The following SHROOM4 variants were observed in gnomAD, a reference collection of about 807,000 sequenced individuals.
SHROOM4 encodes protein Shroom4.
In SHROOM4, 17 loss-of-function variants were observed where a neutral mutation model predicts 80.3. The ratio of observed to expected loss-of-function variants is 0.21; its 90% CI spans 0.14 to 0.32. The LOEUF is 0.32. Among genes scored for constraint, SHROOM4 ranks in the 10% least tolerant of loss-of-function variants. SHROOM4 has a pLI of 1.00. For synonymous variants in SHROOM4, 400 were observed against 437.5 expected (o/e 0.91, Z 1.07); for missense variants, 993 against 1,140.3 (o/e 0.87, Z 1.86).
At position 50,609,662 on chromosome X, in the gene SHROOM4, GAT is replaced by G. The variant is rs782657901; in HGVS notation, c.2958-1480_2958-1479del. Among the ~76,000 whole-genome samples, 15 of 36,784 alleles carry G rather than the reference GAT, an allele frequency of 4.1e-4. No individual in the cohort carries two copies. The East Asian group carries it at 0.018, about 43-fold the overall frequency. The allele number at this position is 36,784 out of a possible 115,157, so 31.9% of individuals were successfully genotyped here. A position where few individuals can be genotyped will look rare whatever the true frequency, so the allele number is the denominator to read the frequency against. On this transcript the variant is annotated intron_variant, in intron 5 of 8. Coordinates refer to ENST00000376020, the MANE Select transcript of SHROOM4 (RefSeq NM_020717.5). ...AATAAATTCCAGATCAAGAGTCATG[GAT>G]ATGTGTGTGTGTGTGTGTGTGTGTG... is the stretch of plus-strand genomic sequence containing the variant.
chrX:50,669,472 T>A (rs898037247), intron 2 of SHROOM4, among the ~76,000 whole-genome samples: 6 of 106,738 alleles, frequency 5.6e-5, no homozygotes, highest in Non-Finnish European at 1.2e-4. Flanking sequence ...CCCAACTAAA[T>A]TTTTTTTTTG....
chrX:50,791,368 T>C (rs782020393), intron 1 of SHROOM4, among the ~76,000 whole-genome samples: 3 of 110,387 alleles, frequency 2.7e-5, no homozygotes, highest in African/African-American at 9.9e-5. Flanking sequence ...AAAATGTCCA[T>C]ACTACCCAAA....
rs782055933 is a variant in SHROOM4 at position 50,633,558 on chromosome X, CATG to C, written c.2512_2514del (p.His838del). 2.1e-5 allele frequency: 25 copies of C among 1,209,756 alleles called. No individual in the cohort carries two copies. Among genetic ancestry groups the C allele is most frequent in the Non-Finnish European group, 2.8e-5 (25 of 895,213 alleles). On this transcript the variant is annotated inframe_deletion, in exon 4 of 9. Coordinates refer to ENST00000376020, the MANE Select transcript of SHROOM4 (RefSeq NM_020717.5). ...ATGGAATGATATGATTGGTCTGTGG[CATG>C]ATATGGTTGGTCTGCGGAATGATAT...
chrX:50,598,998 G>T (rs782037874), intron 7 of SHROOM4, among the ~76,000 whole-genome samples: 2 of 80,013 alleles, frequency 2.5e-5, no homozygotes, highest in African/African-American at 8.7e-5. Context: ...GGCTAATTTT[G>T]TGTGTGTGTT....
At chrX:50,612,551 T>C (rs1930046233) in intron 5 of SHROOM4, among the ~76,000 whole-genome samples, 1 of 111,664 alleles carries the variant, frequency 9.0e-6, no homozygotes, top group Non-Finnish European at 1.9e-5. Context: ...ACATTGATAC[T>C]AAAACCCAGC....
intron 1 of SHROOM4, among the ~76,000 whole-genome samples, chrX:50,749,783 T>G (rs910915061): frequency 8.1e-5 from 9 of 111,643 alleles, no homozygotes; most frequent in Middle Eastern, 4.6e-3. Context: ...GTGAATCAAT[T>G]TCTTCATATT....
At chrX:50,603,611 A>T (rs1161329127) in intron 6 of SHROOM4, among the ~76,000 whole-genome samples, 1 of 111,798 alleles carries the variant, frequency 8.9e-6, no homozygotes, top group Middle Eastern at 4.2e-3. Flanking sequence ...GGGGAAAAAA[A>T]TGGAACCAGT....
At chrX:50,756,983 A>ATT (rs1319655077) in intron 1 of SHROOM4, among the ~76,000 whole-genome samples, 1 of 111,603 alleles carries the variant, frequency 9.0e-6, no homozygotes, top group African/African-American at 3.3e-5. Context: ...AAGGTTTTAA[A>ATT]TTTTAAGTCC....
At chrX:50,749,378 T>C (rs1172708113) in intron 1 of SHROOM4, among the ~76,000 whole-genome samples, 1 of 112,219 alleles carries the variant, frequency 8.9e-6, no homozygotes, top group African/African-American at 3.2e-5. Context: ...TTCATCTTAT[T>C]ATATGCCGGG....
intron 1 of SHROOM4, among the ~76,000 whole-genome samples, chrX:50,795,442 T>G: frequency 9.1e-6 from 1 of 109,623 alleles, no homozygotes; most frequent in East Asian, 2.9e-4. Flanking sequence ...AGTTTATGTC[T>G]GTGGGCCCTG....
intron 5 of SHROOM4, among the ~76,000 whole-genome samples, chrX:50,621,856 A>G (rs1204032722): frequency 9.0e-6 from 1 of 111,252 alleles, no homozygotes; most frequent in Non-Finnish European, 1.9e-5. Flanking sequence ...GGTATTTCAC[A>G]CTCTGCTCAT....
intron 4 of SHROOM4, among the ~76,000 whole-genome samples, chrX:50,628,258 T>A (rs1436498364): frequency 9.0e-6 from 1 of 111,002 alleles, no homozygotes; most frequent in African/African-American, 3.3e-5. Flanking sequence ...GGTGGGCCCA[T>A]CTCTGGGGAA....
chrX:50,652,029 G>A lies in SHROOM4; in HGVS notation c.270-13721C>T, dbSNP rs181683667. On this transcript the variant is annotated intron_variant, in intron 2 of 8. Transcript: ENST00000376020. Reference sequence around the variant, plus strand: ...CCAAGTCTTTGCTATTGTCAGTAGTGCTACAATAAACATACGTGTACATGT... The same window carrying A: ...CCAAGTCTTTGCTATTGTCAGTAGTACTACAATAAACATACGTGTACATGT... Among the ~76,000 whole-genome samples, 348 of 111,841 alleles carry A rather than the reference G, an allele frequency of 3.1e-3. 2 individuals carry two copies. Among genetic ancestry groups the A allele is most frequent in the African/African-American group, 8.5e-3 (262 of 30,765 alleles).
intron 1 of SHROOM4, among the ~76,000 whole-genome samples, chrX:50,698,786 T>C (rs1268845296): frequency 9.1e-6 from 1 of 110,487 alleles, no homozygotes; most frequent in Non-Finnish European, 1.9e-5. Context: ...TTCATGTTTC[T>C]ATCAATAAAA....
intron 2 of SHROOM4, among the ~76,000 whole-genome samples, chrX:50,661,434 G>A (rs1487178406): frequency 1.8e-5 from 2 of 111,668 alleles, no homozygotes; most frequent in African/African-American, 3.3e-5. Context: ...CTGAGCTCGG[G>A]TAATCTGCCC....
downstream of SHROOM4, among the ~76,000 whole-genome samples, chrX:50,583,712 A>G (rs1399268595): frequency 9.0e-6 from 1 of 111,229 alleles, no homozygotes; most frequent in Admixed American, 9.6e-5. Context: ...TTCAGCTGAT[A>G]GTCAGAAAGC....
At chrX:50,717,400 G>A (rs782346516) in intron 1 of SHROOM4, among the ~76,000 whole-genome samples, 1 of 111,614 alleles carries the variant, frequency 9.0e-6, no homozygotes, top group South Asian at 3.8e-4. Context: ...TGTATTTTTA[G>A]TAGAGACGGG....
intron 1 of SHROOM4, among the ~76,000 whole-genome samples, chrX:50,753,579 GAC>G (rs1934969041): frequency 9.0e-6 from 1 of 111,306 alleles, no homozygotes; most frequent in African/African-American, 3.3e-5. Flanking sequence ...GGTGTAAATT[GAC>G]ACACACTTGT....
In SHROOM4 at chrX:50,635,664, C is replaced by A; in HGVS notation, c.409G>T (p.Val137Leu). 1 of 1,207,822 alleles carries A rather than the reference C, an allele frequency of 8.3e-7. No individual in the cohort carries two copies. Among genetic ancestry groups the A allele is most frequent in the Non-Finnish European group, 1.1e-6 (1 of 894,402 alleles). ...GAGAGTGGACACCACTGCACACACA[C>A]GTCACTGTAAGACACAGGGCATACT... ...SWHSGCNTSD[V>L]CVQWCPLSRH... The change falls in exon 4 of 9, where the codon GTG becomes TTG. Residue 137 changes from valine (V) to leucine (L), a missense_variant. Coordinates refer to ENST00000376020, the MANE Select transcript of SHROOM4 (RefSeq NM_020717.5).
Sources: gnomAD v4.1 joint callset for allele counts (sites outside exome capture counted in the v4.1 genomes callset) on GRCh38, gnomAD v4.1.1 for gene constraint, MANE v1.5 for transcripts, NCBI Gene and HGNC (gene_info 2026-07-23, HGNC 2026-07-21) for gene names.